The following TC2N variants were observed in gnomAD, a reference collection of about 807,000 sequenced individuals.
TC2N encodes tandem C2 domains nuclear protein.
A neutral mutation model predicts 61.9 loss-of-function variants in TC2N; 51 were observed. That is an observed-to-expected ratio of 0.82 (90% CI 0.66 to 1.04). TC2N has a LOEUF of 1.04. TC2N is among the 50% of genes least tolerant of loss of function. The pLI, the probability that TC2N is intolerant of heterozygous loss-of-function variation, is 0.00. For missense variants in TC2N, 556 were observed against 566.7 expected (o/e 0.98, Z 0.19); for synonymous variants, 204 against 192.6 (o/e 1.06, Z -0.49).
At chr14:91,791,228 A>G (rs1284718862) in intron 9 of TC2N, among the ~76,000 whole-genome samples, 17 of 147,622 alleles carry the variant, frequency 1.2e-4, no homozygotes, top group African/African-American at 4.0e-4. Context: ...GAGGGAAGGG[A>G]AGGGAAGGGT....
intron 4 of TC2N, among the ~76,000 whole-genome samples, chr14:91,801,355 T>C (rs1279552715): frequency 6.6e-6 from 1 of 152,142 alleles, no homozygotes; most frequent in Non-Finnish European, 1.5e-5. Flanking sequence ...ACAAGTGAAA[T>C]GCATACAAAA....
At chr14:91,844,777 AAAAAAAAAAAG>A (rs1888236877) in intron 1 of TC2N, among the ~76,000 whole-genome samples, 1 of 112,484 alleles carries the variant, frequency 8.9e-6, no homozygotes, top group Non-Finnish European at 2.0e-5. Context: ...AAAAAAAAAA[AAAAAAAAAAAG>A]CCACCTTATG....
intron 4 of TC2N, among the ~76,000 whole-genome samples, chr14:91,801,592 T>G (rs970961215): frequency 6.6e-6 from 1 of 152,188 alleles, no homozygotes; most frequent in Non-Finnish European, 1.5e-5. Flanking sequence ...TGAGAATCAC[T>G]TGAGCCTGGG....
At chr14:91,851,258 A>C (rs1888369604) in intron 1 of TC2N, among the ~76,000 whole-genome samples, 1 of 152,220 alleles carries the variant, frequency 6.6e-6, no homozygotes, top group African/African-American at 2.4e-5. Context: ...TATATAATGA[A>C]GACCACTTTA....
At chr14:91,826,460 C>T (rs982960007) in intron 1 of TC2N, among the ~76,000 whole-genome samples, 2 of 151,476 alleles carry the variant, frequency 1.3e-5, no homozygotes, top group African/African-American at 4.9e-5. Context: ...CCTTTTAGTT[C>T]TATCAGATTT....
chr14:91,785,421 T>C (rs1885318628), intron 10 of TC2N, 60 bp from the exon 11 acceptor site: 3 of 1,218,388 alleles, frequency 2.5e-6, no homozygotes, highest in Non-Finnish European at 1.2e-6. Flanking sequence ...TAAAGATGTG[T>C]ATATACACAT....
At chr14:91,813,968 A>C in intron 1 of TC2N, 143 bp from the exon 2 acceptor site, 1 of 395,580 alleles carries the variant, frequency 2.5e-6, no homozygotes, top group Non-Finnish European at 4.5e-6. Flanking sequence ...GATTTTTGTA[A>C]CCATATGAAA....
chr14:91,791,114 G>C lies in TC2N; in HGVS notation c.1047+1253C>G, dbSNP rs144386800. 4.2e-3 allele frequency among the ~76,000 whole-genome samples: 613 copies of C among 145,944 alleles called. 7 individuals carry two copies. The highest frequency in any genetic ancestry group is 0.015 in the African/African-American group (580 of 39,874). On this transcript the variant is annotated intron_variant, in intron 9 of 11. Transcript: ENST00000435962. ...GTACCATACTCCATGCTGGGCTACA[G>C]AGCTTTCTGTCTTCCTCAAAAAAAA...
At chr14:91,828,195 TA>T (rs1485875524) in intron 1 of TC2N, among the ~76,000 whole-genome samples, 5 of 152,198 alleles carry the variant, frequency 3.3e-5, no homozygotes, top group African/African-American at 1.2e-4. Context: ...CTGATTTTTA[TA>T]TTTTTTTGTG....
In TC2N at chr14:91,838,728, C is replaced by A. The variant is rs79070025; in HGVS notation, c.-56-24903G>T. On this transcript the variant is annotated intron_variant, in intron 1 of 11. Transcript: ENST00000435962. The stretch of plus-strand genomic sequence containing the variant: ...AAGAGCAGGAGCTCCCCTAATTGTT[C>A]CTAGTTTTCTTCCCTAGTCCATCTT... Among the ~76,000 whole-genome samples the A allele has an allele frequency of 3.3e-4, 50 of 152,304 alleles. 1 individual carries two copies. In the East Asian group the frequency reaches 8.9e-3, roughly 27 times the overall value.
At position 91,782,202 on chromosome 14, in the gene TC2N, G is replaced by C. The variant is rs1241111831; in HGVS notation, c.*898C>G. ...ACACAGTATAATCAGGTATGGTTAT[G>C]AAAAAAATGAGAAAATACTCAAACA... On this transcript the variant is annotated 3_prime_UTR_variant, in exon 12 of 12. Coordinates refer to ENST00000435962, the MANE Select transcript of TC2N (RefSeq NM_001128596.3). The C allele has an allele frequency of 6.6e-6, 1 of 151,748 alleles. No homozygotes were observed. Among genetic ancestry groups the C allele is most frequent in the African/African-American group, 2.4e-5 (1 of 41,358 alleles). The allele number at this position is 151,748 out of a possible 1,614,324, so 9.4% of individuals were successfully genotyped here. A position where few individuals can be genotyped will look rare whatever the true frequency, so the allele number is the denominator to read the frequency against.
At chr14:91,861,649 A>T (rs1888590278) in intron 1 of TC2N, among the ~76,000 whole-genome samples, 1 of 152,264 alleles carries the variant, frequency 6.6e-6, no homozygotes, top group Non-Finnish European at 1.5e-5. Context: ...GGAGCTGGAC[A>T]TGATGGCTGA....
intron 3 of TC2N, among the ~76,000 whole-genome samples, chr14:91,803,805 C>T (rs1210272803): frequency 6.6e-6 from 1 of 152,094 alleles, no homozygotes; most frequent in South Asian, 2.1e-4. Context: ...ATTTAAAATT[C>T]CCATTTGTCA....
intron 1 of TC2N, among the ~76,000 whole-genome samples, chr14:91,860,838 C>T (rs752222974): frequency 4.6e-5 from 7 of 152,144 alleles, no homozygotes; most frequent in African/African-American, 1.2e-4. Flanking sequence ...CTATGCAGTA[C>T]GTGGAAATTG....
At chr14:91,787,016 T>G (rs982391902) in intron 10 of TC2N, among the ~76,000 whole-genome samples, 2 of 152,168 alleles carry the variant, frequency 1.3e-5, no homozygotes, top group Non-Finnish European at 2.9e-5. Context: ...CTTCTTTTAG[T>G]AGGGAAAAGG....
At position 91,785,157 on chromosome 14, in the gene TC2N, C is replaced by G; in HGVS notation, c.1362+5G>C. 1 of 1,605,764 alleles carries G rather than the reference C, an allele frequency of 6.2e-7. No homozygotes were observed. Among genetic ancestry groups the G allele is most frequent in the Non-Finnish European group, 8.5e-7 (1 of 1,173,874 alleles). The stretch of plus-strand genomic sequence containing the variant: ...ATATAAGGAAGGATAAAAACTCCTA[C>G]TAACCTGGCCCACAAAGTGTTTTCT... On this transcript the variant is annotated splice_donor_5th_base_variant and intron_variant, in intron 11 of 11. Transcript: ENST00000435962.
At chr14:91,861,262 C>G (rs1252119689) in intron 1 of TC2N, among the ~76,000 whole-genome samples, 2 of 152,156 alleles carry the variant, frequency 1.3e-5, no homozygotes, top group African/African-American at 2.4e-5. Flanking sequence ...TAAGTTGATA[C>G]AGATACTTTC....
At chr14:91,863,421 G>A (rs946800565) in intron 1 of TC2N, among the ~76,000 whole-genome samples, 1 of 152,166 alleles carries the variant, frequency 6.6e-6, no homozygotes, top group Non-Finnish European at 1.5e-5. Flanking sequence ...ATAAGCAAGG[G>A]TTTCTAAAGG....
At chr14:91,848,217 G>T (rs191597962) in intron 1 of TC2N, among the ~76,000 whole-genome samples, 2 of 152,172 alleles carry the variant, frequency 1.3e-5, no homozygotes, top group African/African-American at 4.8e-5. Context: ...CTGCTTATGG[G>T]ATAGAATGGA....
Sources: gnomAD v4.1 joint callset for allele counts (sites outside exome capture counted in the v4.1 genomes callset) on GRCh38, gnomAD v4.1.1 for gene constraint, MANE v1.5 for transcripts, NCBI Gene and HGNC (gene_info 2026-07-23, HGNC 2026-07-21) for gene names.